LDB3: variants seen among roughly 807,000 people sequenced by gnomAD.
LDB3 encodes LIM domain binding 3.
Under a neutral mutation model 69.0 loss-of-function variants are expected in LDB3, and 49 were observed. The ratio of observed to expected loss-of-function variants is 0.71; its 90% confidence interval spans 0.56 to 0.90. LDB3 has a LOEUF of 0.90. Among genes scored for constraint, LDB3 ranks in the 40% least tolerant of loss-of-function variants. The pLI, the probability that LDB3 is intolerant of heterozygous loss-of-function variation, is 0.00. For missense variants in LDB3, 928 were observed against 974.1 expected, an observed-to-expected ratio of 0.95 and a Z score of 0.63; for synonymous variants, 387 against 396.2, an observed-to-expected ratio of 0.98 and a Z score of 0.28.
At position 86,687,095 on chromosome 10, in the gene LDB3, C is replaced by T; in HGVS notation, c.690-4801C>T. 6.2e-7 allele frequency: 1 copy of T among 1,614,146 alleles called. No individual in the cohort carries two copies. Among genetic ancestry groups the T allele is most frequent in the Non-Finnish European group, 8.5e-7 (1 of 1,179,994 alleles). ...GCCGACTACCAGGAACGCTTCAACCCCAGTGCCCTGAAGGACTCGGCCCTG... is the reference window on the plus strand; with the variant it reads ...GCCGACTACCAGGAACGCTTCAACCTCAGTGCCCTGAAGGACTCGGCCCTG... On this transcript the variant is annotated intron_variant, in intron 5 of 13. Transcript: ENST00000361373.
At position 86,681,507 on chromosome 10, in the gene LDB3, C is replaced by T; in HGVS notation, c.393C>T (p.Gly131=). 1 of 1,611,252 alleles carries T rather than the reference C, an allele frequency of 6.2e-7. No homozygotes were observed. The highest frequency in any genetic ancestry group is 1.1e-5 in the South Asian group (1 of 91,048). ...SPSPEARASP[G]TPGTPELRPT... Reference sequence around the variant, plus strand: ...GCCCTGAGGCGAGGGCCAGCCCAGGCACCCCAGGCACCCCGGAGCTCAGGC... The same window carrying T: ...GCCCTGAGGCGAGGGCCAGCCCAGGTACCCCAGGCACCCCGGAGCTCAGGC... Residue 131 remains glycine, a synonymous_variant, in exon 5 of 14, where the codon GGC becomes GGT. Coordinates refer to ENST00000361373, the MANE Select transcript of LDB3 (RefSeq NM_007078.3).
intron 7 of LDB3, among the ~76,000 whole-genome samples, chr10:86,693,217 T>A (rs997846284): frequency 1.3e-5 from 2 of 151,318 alleles, no homozygotes; most frequent in African/African-American, 4.9e-5. Context: ...CAGGTGCTCA[T>A]AGCATGAGGT....
At chr10:86,711,422 G>A (rs1327165807) in intron 9 of LDB3, among the ~76,000 whole-genome samples, 2 of 152,010 alleles carry the variant, frequency 1.3e-5, no homozygotes, top group African/African-American at 2.4e-5. Context: ...TGCCTAGGGG[G>A]AAAGAGGCGG....
intron 7 of LDB3, among the ~76,000 whole-genome samples, chr10:86,698,349 C>T (rs553360718): frequency 0.016 from 2,445 of 152,272 alleles, 51 homozygotes; most frequent in African/African-American, 0.049. Context: ...TTGGAAGCAC[C>T]GTACAGGTTA....
rs754386652 is a variant in LDB3, at chr10:86,726,195, C to T, written c.2037C>T (p.Gly679=). The T allele has an allele frequency of 3.8e-5, 61 of 1,613,926 alleles. 1 individual carries two copies. The highest frequency in any genetic ancestry group is 1.6e-4 in the South Asian group (15 of 91,074). ...CHGCDFPVEA[G]DKFIEALGHT... ...GCTGCGATTTCCCCGTGGAGGCTGG[C>T]GACAAGTTTATCGAAGCCCTGGGCC... is the stretch of plus-strand genomic sequence containing the variant. The change falls in exon 13 of 14, where the codon GGC becomes GGT. Residue 679 remains glycine (G), a synonymous_variant. Coordinates refer to ENST00000361373, the MANE Select transcript of LDB3 (RefSeq NM_007078.3).
At position 86,688,089 on chromosome 10, in the gene LDB3, G is replaced by GTGTA. The variant is rs1410039579; in HGVS notation, c.690-3806_690-3805insGTAT. Among the ~76,000 whole-genome samples the GTGTA allele has an allele frequency of 8.7e-3, 1,143 of 130,974 alleles. 15 individuals carry two copies. The highest frequency in any genetic ancestry group is 0.031 in the African/African-American group (937 of 30,434). The allele number at this position is 130,974 out of a possible 152,430, so 85.9% of individuals were successfully genotyped here. On this transcript the variant is annotated intron_variant, in intron 5 of 13. Coordinates refer to ENST00000361373, the MANE Select transcript of LDB3 (RefSeq NM_007078.3). Reference sequence around the variant, plus strand: ...TGTGTGTGTGTGTGTGTGTGTATGTGTCTGTCTATCTGTTGTTTCTTTTTT... The same window carrying GTGTA: ...TGTGTGTGTGTGTGTGTGTGTATGTGTGTATCTGTCTATCTGTTGTTTCTTTTTT...
At chr10:86,732,486 T>TGG in intron 13 of LDB3, 1 of 450,868 alleles carries the variant, frequency 2.2e-6, no homozygotes. Flanking sequence ...CTAGAATGCA[T>TGG]GGGGCAAGGC....
intron 7 of LDB3, among the ~76,000 whole-genome samples, chr10:86,697,507 C>A (rs1374153702): frequency 6.6e-6 from 1 of 150,882 alleles, no homozygotes; most frequent in Admixed American, 6.6e-5. Context: ...AGGCGTGAGC[C>A]GCCGTGCCCG....
chr10:86,685,067 C>T (rs1420006898), intron 5 of LDB3, among the ~76,000 whole-genome samples: 1 of 152,154 alleles, frequency 6.6e-6, no homozygotes, highest in Non-Finnish European at 1.5e-5. Context: ...GGTGACTGTG[C>T]ACCCCACTCC....
intron 10 of LDB3, among the ~76,000 whole-genome samples, chr10:86,717,413 A>G (rs1449713121): frequency 6.6e-6 from 1 of 152,268 alleles, no homozygotes; most frequent in Non-Finnish European, 1.5e-5. Flanking sequence ...ATGTCTTCAT[A>G]GTCCCACTGT....
In LDB3 at chr10:86,732,883, C is replaced by G; in HGVS notation, c.2095-4C>G. 1 of 1,612,656 alleles carries G rather than the reference C, an allele frequency of 6.2e-7. No homozygotes were observed. The highest frequency in any genetic ancestry group is 8.5e-7 in the Non-Finnish European group (1 of 1,179,016). On this transcript the variant is annotated splice_region_variant and splice_polypyrimidine_tract_variant and intron_variant, in intron 13 of 13. Coordinates refer to ENST00000361373, the MANE Select transcript of LDB3 (RefSeq NM_007078.3). ...GTCTCACGCAGGTCTGTTCTCTGCT[C>G]CAGGTCTGCCATGTGAATCTGGAGG...
intron 2 of LDB3, among the ~76,000 whole-genome samples, chr10:86,677,738 A>G (rs1173959019): frequency 6.6e-6 from 1 of 152,174 alleles, no homozygotes; most frequent in African/African-American, 2.4e-5. Context: ...TGGAGGTATG[A>G]CATCAACTAC....
intron 9 of LDB3, among the ~76,000 whole-genome samples, chr10:86,710,678 C>A (rs1325837470): frequency 6.6e-6 from 1 of 152,234 alleles, no homozygotes; most frequent in African/African-American, 2.4e-5. Flanking sequence ...CCTATCCAGG[C>A]GCAGGGAGAA....
At chr10:86,693,570 G>A (rs1845872453) in intron 7 of LDB3, among the ~76,000 whole-genome samples, 1 of 152,240 alleles carries the variant, frequency 6.6e-6, no homozygotes, top group African/African-American at 2.4e-5. Flanking sequence ...GCCAACTCAA[G>A]TTGCTCCCAC....
At position 86,672,834 on chromosome 10, in the gene LDB3, G is replaced by A. The variant is rs542930417; in HGVS notation, c.93+4050G>A. Among the ~76,000 whole-genome samples the A allele has an allele frequency of 5.4e-4, 83 of 152,368 alleles. 2 individuals are homozygous for A. Among genetic ancestry groups the A allele is most frequent in the Admixed American group, 2.3e-3 (35 of 15,308 alleles). Reference sequence around the variant, plus strand: ...TTGGAGGCCCCTGGGCCAGGACACCGTGCAAGGGCAGCTGCATAAGCAGCC... The same window carrying A: ...TTGGAGGCCCCTGGGCCAGGACACCATGCAAGGGCAGCTGCATAAGCAGCC... On this transcript the variant is annotated intron_variant, in intron 2 of 13. Coordinates refer to ENST00000361373, the MANE Select transcript of LDB3 (RefSeq NM_007078.3).
rs188221461 is a variant in LDB3 at position 86,682,422 on chromosome 10, A to G, written c.689+619A>G. On this transcript the variant is annotated intron_variant, in intron 5 of 13. Coordinates refer to ENST00000361373, the MANE Select transcript of LDB3 (RefSeq NM_007078.3). The stretch of plus-strand genomic sequence containing the variant: ...GACCCCAAGGAGAAAGGGGCTGTGC[A>G]GGAGAACAGCAGCCTCACCCCTAAG... Among the ~76,000 whole-genome samples the G allele has an allele frequency of 1.1e-4, 17 of 152,040 alleles. 1 individual carries two copies. Among genetic ancestry groups the G allele is most frequent in the Admixed American group, 9.8e-4 (15 of 15,296 alleles).
intron 13 of LDB3, among the ~76,000 whole-genome samples, chr10:86,732,079 A>T (rs1263966962): frequency 1.3e-5 from 2 of 148,484 alleles, no homozygotes; most frequent in Non-Finnish European, 3.0e-5. Flanking sequence ...ACCTGGCCTC[A>T]AACGATCCTC....
chr10:86,684,853 G>A (rs986268835), intron 5 of LDB3, among the ~76,000 whole-genome samples: 2 of 152,142 alleles, frequency 1.3e-5, no homozygotes, highest in Non-Finnish European at 2.9e-5. Flanking sequence ...GCCACTGCAG[G>A]GAATTTGCAT....
intron 7 of LDB3, among the ~76,000 whole-genome samples, chr10:86,705,686 C>T (rs1050488298): frequency 2.0e-5 from 3 of 152,212 alleles, no homozygotes; most frequent in African/African-American, 7.2e-5. Flanking sequence ...TCCACACTGG[C>T]AGTGTGGTCG....
Sources: allele counts gnomAD v4.1 joint callset (sites outside exome capture counted in the v4.1 genomes callset), GRCh38; gene constraint gnomAD v4.1.1; transcripts MANE v1.5; gene names NCBI Gene and HGNC (gene_info 2026-07-23, HGNC 2026-07-21).